The following SOCS7 variants were observed in gnomAD, a reference collection of about 807,000 sequenced individuals.
SOCS7 encodes the protein suppressor of cytokine signaling 7.
Under a neutral mutation model 58.9 loss-of-function variants are expected in SOCS7, and 18 were observed. That is an observed-to-expected ratio of 0.31 (90% CI 0.21 to 0.45). SOCS7 has a LOEUF of 0.45. SOCS7 is among the 20% of genes least tolerant of loss of function. SOCS7 has a pLI of 1.00. For synonymous variants in SOCS7, 388 were observed against 364.3 expected, an observed-to-expected ratio of 1.06 and a Z score of -0.74; for missense variants, 667 against 837.3, an observed-to-expected ratio of 0.80 and a Z score of 2.51.
intron 9 of SOCS7, among the ~76,000 whole-genome samples, chr17:38,397,384 C>G (rs1233331391): frequency 2.0e-5 from 3 of 152,200 alleles, no homozygotes; most frequent in African/African-American, 7.2e-5. Context: ...TGACTGCTCC[C>G]AACACTCAAG....
At chr17:38,384,595 C>CT (rs1329178035) in intron 7 of SOCS7, among the ~76,000 whole-genome samples, 3 of 148,098 alleles carry the variant, frequency 2.0e-5, no homozygotes, top group Middle Eastern at 3.6e-3. Context: ...TGCCCAGCTT[C>CT]TTTTTTTTTT....
intron 7 of SOCS7, among the ~76,000 whole-genome samples, chr17:38,385,650 G>A (rs937185696): frequency 1.3e-5 from 2 of 151,874 alleles, no homozygotes; most frequent in Non-Finnish European, 2.9e-5. Context: ...TCACCCCAGT[G>A]TATATCCCTG....
chr17:38,352,123 T>C lies in SOCS7; in HGVS notation c.71T>C (p.Leu24Pro). Residue 24 changes from leucine (L) to proline (P), a missense_variant, in exon 1 of 10, where the codon CTC (leucine) becomes CCC (proline). This residue lies in a region of SOCS7 where 65 missense variants were observed against 51.0 expected (regional missense o/e 1.27). Coordinates refer to ENST00000612932, the MANE Select transcript of SOCS7 (RefSeq NM_014598.4). The surrounding 1 kb of genome is among the most constrained non-coding windows in gnomAD (Gnocchi z 5.5). ...GCTTCGTACCGCGTCCTGAGCCGCC[T>C]CCTTGGCTATGGAGAGGCGGCCCCC... is the stretch of plus-strand genomic sequence containing the variant. ...AAASYRVLSR[L>P]LGYGEAAPEP... 1.1e-6 allele frequency: 1 copy of C among 880,344 alleles called. No homozygotes were observed. Among genetic ancestry groups the C allele is most frequent in the Non-Finnish European group, 1.4e-6 (1 of 694,800 alleles). 54.5% of individuals were successfully genotyped at this position (880,344 alleles called of 1,614,324 possible).
At chr17:38,355,206 CAAA>C in intron 1 of SOCS7, among the ~76,000 whole-genome samples, 1 of 152,286 alleles carries the variant, frequency 6.6e-6, no homozygotes, top group Non-Finnish European at 1.5e-5. Context: ...AGGAGATGAC[CAAA>C]TTTGTCACCT....
At chr17:38,382,995 G>T (rs1323441699) in intron 7 of SOCS7, among the ~76,000 whole-genome samples, 3 of 151,948 alleles carry the variant, frequency 2.0e-5, no homozygotes, top group Non-Finnish European at 4.4e-5. Flanking sequence ...GATGCCAGGA[G>T]CACTCACCCC....
chr17:38,390,943 T>C (rs8064722), intron 7 of SOCS7, among the ~76,000 whole-genome samples: 41,951 of 152,020 alleles, frequency 0.28, 8,329 homozygotes, highest in African/African-American at 0.57. Flanking sequence ...CCATCCACCT[T>C]GCCTCAGCCT....
At chr17:38,398,832 T>C (rs1039282740) in intron 9 of SOCS7, among the ~76,000 whole-genome samples, 5 of 152,152 alleles carry the variant, frequency 3.3e-5, no homozygotes, top group South Asian at 2.1e-4. Context: ...ATGGTTCACG[T>C]CTGTAATCCC....
At position 38,402,799 on chromosome 17, in the gene SOCS7, AC is replaced by A. The variant is rs1419190072; in HGVS notation, c.*3320del. 1 of 152,130 alleles carries A rather than the reference AC, an allele frequency of 6.6e-6. No individual in the cohort carries two copies. The highest frequency in any genetic ancestry group is 1.5e-5 in the Non-Finnish European group (1 of 68,038). 9.4% of individuals were successfully genotyped at this position (152,130 alleles called of 1,614,324 possible). A position where few individuals can be genotyped will look rare whatever the true frequency, so the allele number is the denominator to read the frequency against. On this transcript the variant is annotated 3_prime_UTR_variant, in exon 10 of 10. Transcript: ENST00000612932. ...AATTGGAAAAGGCTTACATCTAGGG[AC>A]CCACTGTTGATTCCTAAGTTGTGGG...
intron 6 of SOCS7, among the ~76,000 whole-genome samples, chr17:38,368,328 G>T (rs1027673738): frequency 4.6e-5 from 7 of 152,118 alleles, no homozygotes; most frequent in African/African-American, 1.7e-4. Flanking sequence ...AGGCTCCCGA[G>T]AAATGAGCCG....
rs1243932752 is a variant in SOCS7 at position 38,352,787 on chromosome 17, G to A, written c.735G>A (p.Gln245=). The change falls in exon 1 of 10, where the codon CAG becomes CAA. Residue 245 remains glutamine (Q), a synonymous_variant. Coordinates refer to ENST00000612932, the MANE Select transcript of SOCS7 (RefSeq NM_014598.4). This position sits in a 1 kb window ranked among gnomAD's most constrained non-coding sequence, Gnocchi z 5.5. ...PLGRLSRGEQ[Q]QQQQQQPPPP... ...GGCGCCTGAGTAGAGGGGAGCAGCA[G>A]CAGCAGCAGCAGCAGCAACCTCCCC... The A allele has an allele frequency of 1.9e-6, 3 of 1,550,788 alleles. No individual in the cohort carries two copies. In the East Asian group the frequency reaches 7.3e-5, roughly 38 times the overall value.
chr17:38,369,674 C>CTTTT (rs11299884), intron 6 of SOCS7, among the ~76,000 whole-genome samples: 2 of 125,980 alleles, frequency 1.6e-5, no homozygotes, highest in African/African-American at 6.0e-5. Flanking sequence ...TCTCCGATTA[C>CTTTT]TTTTTTTTTT....
Position 38,352,282 on chromosome 17 carries a change from A to G in SOCS7, c.230A>G (p.Glu77Gly). Residue 77 changes from glutamate to glycine, a missense_variant, in exon 1 of 10, where the codon GAG becomes GGG. Coordinates refer to ENST00000612932, the MANE Select transcript of SOCS7 (RefSeq NM_014598.4). This position sits in a 1 kb window ranked among gnomAD's most constrained non-coding sequence, Gnocchi z 5.5. Reference sequence around the variant, plus strand: ...AACGTGGGTCGGCCGCCGGAGGAGGAGGACGTGGAGGCGGCCCCGGAGCCG... The same window carrying G: ...AACGTGGGTCGGCCGCCGGAGGAGGGGGACGTGGAGGCGGCCCCGGAGCCG... ...FRNVGRPPEE[E>G]DVEAAPEPGP... 3 of 1,484,742 alleles carry G rather than the reference A, an allele frequency of 2.0e-6. No individual in the cohort carries two copies. Among genetic ancestry groups the G allele is most frequent in the Non-Finnish European group, 1.8e-6 (2 of 1,127,652 alleles). The allele number at this position is 1,484,742 out of a possible 1,614,324, so 92.0% of individuals were successfully genotyped here.
chr17:38,367,952 C>G lies in SOCS7; in HGVS notation c.1454C>G (p.Ser485Cys). The G allele has an allele frequency of 6.2e-7, 1 of 1,614,132 alleles. No homozygotes were observed. Among genetic ancestry groups the G allele is most frequent in the Non-Finnish European group, 8.5e-7 (1 of 1,179,998 alleles). ...EMKLKGKPDG[S>C]FLVRDSSDPR... ...AAGCTGAAAGGGAAACCAGATGGTT[C>G]TTTCCTGGTACGAGACAGTTCTGAT... is the stretch of plus-strand genomic sequence containing the variant. The change falls in exon 6 of 10, where the codon TCT becomes TGT. Residue 485 changes from serine to cysteine, a missense_variant. This residue lies in a region of SOCS7 where 76 missense variants were observed against 194.5 expected (regional missense o/e 0.39). Transcript: ENST00000612932.
chr17:38,387,111 A>ATGTATGTG, intron 7 of SOCS7, among the ~76,000 whole-genome samples: 1 of 103,572 alleles, frequency 9.7e-6, no homozygotes, highest in African/African-American at 5.6e-5. Context: ...AAATATATAT[A>ATGTATGTG]TATATATATA....
In SOCS7 at chr17:38,365,399, C is replaced by T. The variant is rs769962522; in HGVS notation, c.1242C>T (p.Pro414=). The change falls in exon 4 of 10, where the codon CCC becomes CCT. Residue 414 remains proline (P), a synonymous_variant. Coordinates refer to ENST00000612932, the MANE Select transcript of SOCS7 (RefSeq NM_014598.4). ...QSFPLPPPPP[P]HAPDAFPRIA... ...TCCCCCTACCTCCGCCTCCTCCACC[C>T]CATGCCCCAGGTTAGCTTAGTTTAG... 67 of 1,610,314 alleles carry T rather than the reference C, an allele frequency of 4.2e-5. 1 individual carries two copies. In the East Asian group the frequency reaches 9.8e-4, roughly 24 times the overall value.
At chr17:38,378,530 G>C (rs2144361627) in intron 7 of SOCS7, among the ~76,000 whole-genome samples, 1 of 152,188 alleles carries the variant, frequency 6.6e-6, no homozygotes, top group Admixed American at 6.5e-5. Flanking sequence ...AAAAGAAAAA[G>C]TAAGGGCCAA....
chr17:38,351,870 C>T lies in SOCS7; in HGVS notation c.-183C>T, dbSNP rs976789257. 1.0e-4 allele frequency among the ~76,000 whole-genome samples: 15 copies of T among 150,362 alleles called. No homozygotes were observed. The highest frequency in any genetic ancestry group is 8.1e-4 in the East Asian group (4 of 4,914). On this transcript the variant is annotated 5_prime_UTR_variant, in exon 1 of 10. Transcript: ENST00000612932. ...GCTTGGGGGCGGTGCTCGGCGGTGG[C>T]GGAGCGCGGCCTGGGCTCGCGCTGG...
At chr17:38,380,603 C>T (rs1473776872) in intron 7 of SOCS7, among the ~76,000 whole-genome samples, 2 of 151,130 alleles carry the variant, frequency 1.3e-5, no homozygotes, top group Non-Finnish European at 2.9e-5. Context: ...TACACTCTAG[C>T]CTGGGCCCCC....
chr17:38,376,127 A>T (rs184600405), intron 6 of SOCS7, among the ~76,000 whole-genome samples: 42 of 152,356 alleles, frequency 2.8e-4, no homozygotes, highest in Admixed American at 2.7e-3. Flanking sequence ...ACACACATGT[A>T]AGAAAGATTA....
Sources: gnomAD v4.1 joint callset for allele counts (sites outside exome capture counted in the v4.1 genomes callset) on GRCh38, gnomAD v4.1.1 for gene constraint, gnomAD v4.1.1 regional missense constraint, Gnocchi (gnomAD v3.1) non-coding constraint, MANE v1.5 for transcripts, NCBI Gene and HGNC (gene_info 2026-07-23, HGNC 2026-07-21) for gene names.